DAG1: variants seen among roughly 807,000 people sequenced by gnomAD.
DAG1 encodes the protein dystroglycan 1 (dystrophin-associated glycoprotein 1).
A neutral mutation model predicts 46.1 loss-of-function variants in DAG1; 8 were observed. That is an observed-to-expected ratio of 0.17 (90% confidence interval 0.10 to 0.31). The LOEUF (loss-of-function observed/expected upper bound fraction) is 0.31. Among genes scored for constraint, DAG1 ranks in the 10% least tolerant of loss-of-function variants. DAG1 has a pLI of 1.00. For synonymous variants in DAG1, 495 were observed against 481.8 expected, an observed-to-expected ratio of 1.03 and a Z score of -0.36; for missense variants, 1,003 against 1,189.9, an observed-to-expected ratio of 0.84 and a Z score of 2.31.
At chr3:49,493,352 A>G (rs1327200313) in intron 1 of DAG1, among the ~76,000 whole-genome samples, 2 of 151,960 alleles carry the variant, frequency 1.3e-5, no homozygotes, top group Admixed American at 1.3e-4. Flanking sequence ...CCTGCTTTTC[A>G]TTTTTAATCC....
chr3:49,474,968 C>T (rs560932217), intron 1 of DAG1, among the ~76,000 whole-genome samples: 3 of 149,298 alleles, frequency 2.0e-5, no homozygotes, highest in South Asian at 4.3e-4. Context: ...CCCGCCACCG[C>T]GCCCAGCTAA....
intron 1 of DAG1, among the ~76,000 whole-genome samples, chr3:49,474,376 C>G (rs186938091): frequency 2.0e-5 from 3 of 150,542 alleles, no homozygotes; most frequent in African/African-American, 7.3e-5. Context: ...GGTGGAGTTT[C>G]GCTCCTTTGC....
In DAG1 at chr3:49,533,151, C is replaced by G; in HGVS notation, c.2640C>G (p.Pro880=). 6.2e-7 allele frequency: 1 copy of G among 1,614,144 alleles called. No individual in the cohort carries two copies. The highest frequency in any genetic ancestry group is 1.1e-5 in the South Asian group (1 of 91,084). ...TAPMEGKGSR[P]KNMTPYRSPP... ...CCATGGAGGGCAAGGGCTCCCGTCC[C>G]AAGAACATGACCCCATACCGGTCAC... Residue 880 remains proline (P), a synonymous_variant, in exon 3 of 3, where the codon CCC becomes CCG. Transcript: ENST00000308775.
chr3:49,505,047 G>A (rs1216748521), intron 1 of DAG1, among the ~76,000 whole-genome samples: 1 of 150,936 alleles, frequency 6.6e-6, no homozygotes, highest in African/African-American at 2.4e-5. Context: ...CCAGGCTGGA[G>A]TGCAGTGGTG....
Position 49,532,918 on chromosome 3 carries a change from G to A in DAG1, c.2407G>A (p.Glu803Lys), listed in dbSNP as rs1358446431. 6.2e-7 allele frequency: 1 copy of A among 1,614,060 alleles called. No homozygotes were observed. Among genetic ancestry groups the A allele is most frequent in the Non-Finnish European group, 8.5e-7 (1 of 1,180,008 alleles). The change falls in exon 3 of 3, where the codon GAA (glutamate) becomes AAA (lysine). Residue 803 changes from glutamate to lysine, a missense_variant. By Grantham distance (56) the Glu-to-Lys change is moderately conservative. Coordinates refer to ENST00000308775, the MANE Select transcript of DAG1 (RefSeq NM_004393.6). The surrounding 1 kb of genome is among the most constrained non-coding windows in gnomAD (Gnocchi z 5.4). ...KKGVPIIFAD[E>K]LDDSKPPPSS... The stretch of plus-strand genomic sequence containing the variant: ...GGGGGTGCCTATCATCTTTGCAGAC[G>A]AACTGGACGACTCCAAGCCCCCACC...
At chr3:49,515,265 G>A (rs930091659) in intron 2 of DAG1, among the ~76,000 whole-genome samples, 3 of 143,970 alleles carry the variant, frequency 2.1e-5, no homozygotes, top group East Asian at 3.9e-4. Flanking sequence ...CCACTGTCCC[G>A]GGCCTATTTT....
intron 1 of DAG1, among the ~76,000 whole-genome samples, chr3:49,505,412 T>A (rs2050578033): frequency 6.6e-6 from 1 of 152,204 alleles, no homozygotes; most frequent in Admixed American, 6.5e-5. Context: ...ACATGTTTTG[T>A]TAGATTTGCA....
chr3:49,480,215 GT>G (rs1307535190), intron 1 of DAG1, among the ~76,000 whole-genome samples: 1 of 149,380 alleles, frequency 6.7e-6, no homozygotes, highest in Non-Finnish European at 1.5e-5. Flanking sequence ...GCCCCCCAAA[GT>G]GCTGGGATTA....
chr3:49,483,432 G>A (rs1459293264), intron 1 of DAG1, among the ~76,000 whole-genome samples: 6 of 151,956 alleles, frequency 3.9e-5, no homozygotes, highest in African/African-American at 1.4e-4. Context: ...CTCAAACTGC[G>A]ACCTCAGATG....
chr3:49,491,910 C>T (rs1437790187), intron 1 of DAG1, among the ~76,000 whole-genome samples: 1 of 150,622 alleles, frequency 6.6e-6, no homozygotes, highest in Non-Finnish European at 1.5e-5. Context: ...TGAGCTGCCT[C>T]GCCTGGCCCC....
At position 49,533,230 on chromosome 3, in the gene DAG1, G is replaced by C. The variant is rs746969431; in HGVS notation, c.*31G>C. ...AAGCGCCTGGGTGGAGGCAGGGTAGGGCAGGGGCCTGGAGACGACATGGTG... is the reference window on the plus strand; with the variant it reads ...AAGCGCCTGGGTGGAGGCAGGGTAGCGCAGGGGCCTGGAGACGACATGGTG... On this transcript the variant is annotated 3_prime_UTR_variant, in exon 3 of 3. Transcript: ENST00000308775. The C allele has an allele frequency of 1.2e-6, 2 of 1,606,618 alleles. No homozygotes were observed. The highest frequency in any genetic ancestry group is 2.2e-5 in the South Asian group (2 of 91,032).
intron 1 of DAG1, among the ~76,000 whole-genome samples, chr3:49,497,436 CAAAAAAAAAAAA>C (rs11391817): frequency 3.1e-5 from 4 of 128,544 alleles, no homozygotes; most frequent in Admixed American, 3.0e-4. Flanking sequence ...GACTCCGTCT[CAAAAAAAAAAAA>C]AAAAAAAATT....
Position 49,474,362 on chromosome 3 carries a change from T to C in DAG1, c.-117+3929T>C, listed in dbSNP as rs182654168. On this transcript the variant is annotated intron_variant, in intron 1 of 2. Transcript: ENST00000308775. ...AGCCACCGCACCCGGCTAATTTTTT[T>C]TGAGGTGGAGTTTCGCTCCTTTGCC... 4.6e-5 allele frequency among the ~76,000 whole-genome samples: 7 copies of C among 151,694 alleles called. No homozygotes were observed. In the East Asian group the frequency reaches 9.8e-4, roughly 21 times the overall value.
At position 49,510,693 on chromosome 3, in the gene DAG1, G is replaced by A; in HGVS notation, c.159G>A (p.Val53=). ...AGCTTGAGGCATCCATGCACTCAGT[G>A]CTCTCAGACCTCCACGAGGCTGTTC... The part of the protein sequence containing the change: ...ENQLEASMHS[V]LSDLHEAVPT... Residue 53 remains valine (V), a synonymous_variant, in exon 2 of 3, where the codon GTG becomes GTA. Coordinates refer to ENST00000308775, the MANE Select transcript of DAG1 (RefSeq NM_004393.6). 3 of 1,614,146 alleles carry A rather than the reference G, an allele frequency of 1.9e-6. No individual in the cohort carries two copies. Among genetic ancestry groups the A allele is most frequent in the Non-Finnish European group, 2.5e-6 (3 of 1,180,032 alleles).
intron 1 of DAG1, among the ~76,000 whole-genome samples, chr3:49,501,368 T>A (rs1442794946): frequency 6.6e-6 from 1 of 152,168 alleles, no homozygotes; most frequent in Non-Finnish European, 1.5e-5. Context: ...AGGTCCTGTG[T>A]CTCCCCATTC....
intron 1 of DAG1, among the ~76,000 whole-genome samples, chr3:49,505,492 T>C (rs2050580659): frequency 6.6e-6 from 1 of 152,190 alleles, no homozygotes; most frequent in Admixed American, 6.6e-5. Flanking sequence ...TGTTGCAGTA[T>C]ATAGAAATAC....
rs553009594 is a variant in DAG1, at chr3:49,506,199, G to C, written c.-116-4220G>C. ...TCACCATGTTAGTCAGGCTGGTCTT[G>C]AACTCCTGACCCAGGTGATTCACCG... On this transcript the variant is annotated intron_variant, in intron 1 of 2. Transcript: ENST00000308775. Among the ~76,000 whole-genome samples the C allele has an allele frequency of 9.2e-4, 140 of 152,172 alleles. 2 individuals are homozygous for C. Among genetic ancestry groups the C allele is most frequent in the Non-Finnish European group, 8.8e-4 (60 of 67,998 alleles).
At chr3:49,492,155 G>A (rs887937756) in intron 1 of DAG1, among the ~76,000 whole-genome samples, 2 of 151,060 alleles carry the variant, frequency 1.3e-5, no homozygotes, top group African/African-American at 4.9e-5. Context: ...TCGAACTCCT[G>A]GCCTTGTGAT....
intron 1 of DAG1, chr3:49,492,906 C>T (rs1025753823): frequency 6.6e-6 from 1 of 152,060 alleles, no homozygotes; most frequent in African/African-American, 2.4e-5. Context: ...GGAGATCCCA[C>T]CAACCCACAG....
Sources: allele counts gnomAD v4.1 joint callset (sites outside exome capture counted in the v4.1 genomes callset), GRCh38; gene constraint gnomAD v4.1.1; non-coding constraint Gnocchi (gnomAD v3.1); transcripts MANE v1.5; gene names NCBI Gene and HGNC (gene_info 2026-07-23, HGNC 2026-07-21).